MED17: variants seen among roughly 807,000 people sequenced by gnomAD.
MED17 encodes mediator of RNA polymerase II transcription subunit 17.
In MED17, 49 loss-of-function variants were observed where a neutral mutation model predicts 80.8. That is an observed-to-expected ratio of 0.61 (90% CI 0.48 to 0.77). MED17 has a LOEUF of 0.77. Ranked by LOEUF, MED17 falls within the 30% of genes least tolerant of loss-of-function variation. The pLI, the probability that MED17 is intolerant of heterozygous loss-of-function variation, is 0.00. For missense variants in MED17, 718 were observed against 787.0 expected (o/e 0.91, Z 1.05); for synonymous variants, 281 against 280.4 (o/e 1.00, Z -0.02).
Position 93,795,949 on chromosome 11 carries a change from GT to G in MED17, c.1013-446del, listed in dbSNP as rs879690032. The G allele has an allele frequency of 6.8e-3, 1,030 of 152,534 alleles. 2 individuals carry two copies. Among genetic ancestry groups the G allele is most frequent in the South Asian group, 0.014 (79 of 5,668 alleles). 9.4% of individuals were successfully genotyped at this position (152,534 alleles called of 1,614,324 possible). A position where few individuals can be genotyped will look rare whatever the true frequency, so the allele number is the denominator to read the frequency against. ...TGGTAGCTTATTATATTCATGAATA[GT>G]TTTTTTTTTTTTTTGAGATGAAGTT... On this transcript the variant is annotated intron_variant, in intron 6 of 11. Transcript: ENST00000251871.
Position 93,812,044 on chromosome 11 carries a change from C to T in MED17, c.1936C>T (p.Leu646Phe), listed in dbSNP as rs1369932755. 2 of 1,614,090 alleles carry T rather than the reference C, an allele frequency of 1.2e-6. No individual in the cohort carries two copies. Among genetic ancestry groups the T allele is most frequent in the Non-Finnish European group, 1.7e-6 (2 of 1,179,974 alleles). ...VYKMELLMSALSPCLL is the reference protein window; with the variant it reads ...VYKMELLMSAFSPCLL ...TAAAATGGAGCTGCTTATGTCTGCA[C>T]TTAGCCCTTGTCTACTATGATTTTT... The change falls in exon 12 of 12, where the codon CTT becomes TTT. Residue 646 changes from leucine (L) to phenylalanine (F), a missense_variant. Physicochemically the swap from Leu to Phe is conservative, Grantham distance 22 (BLOSUM62 0). Coordinates refer to ENST00000251871, the MANE Select transcript of MED17 (RefSeq NM_004268.5).
At chr11:93,807,009 G>C (rs1944032418) in intron 9 of MED17, 2 of 159,470 alleles carry the variant, frequency 1.3e-5, no homozygotes, top group South Asian at 3.6e-4. Context: ...AAATGCTTCT[G>C]GGTAGACTGG....
rs112976734 is a variant in MED17, at chr11:93,784,612, G to C, written c.99G>C (p.Pro33=). 4 of 1,599,880 alleles carry C rather than the reference G, an allele frequency of 2.5e-6. No individual in the cohort carries two copies. The highest frequency in any genetic ancestry group is 3.4e-6 in the Non-Finnish European group (4 of 1,174,462). The change falls in exon 1 of 12, where the codon CCG becomes CCC. Residue 33 remains proline, a synonymous_variant. Transcript: ENST00000251871. ...ATGGCACCGAGACGTACCTGCCCCC[G>C]CTGTCCATGTCGCAGAATCTGGCGC... ...GLDGTETYLP[P]LSMSQNLARL... is the part of the protein sequence containing the mutation.
chr11:93,793,003 T>C (rs1943854716), intron 3 of MED17, among the ~76,000 whole-genome samples: 1 of 150,972 alleles, frequency 6.6e-6, no homozygotes, highest in Non-Finnish European at 1.5e-5. Flanking sequence ...TTATGTGCAC[T>C]ATCCTCTGTC....
intron 9 of MED17, among the ~76,000 whole-genome samples, chr11:93,805,170 G>T (rs924728595): frequency 6.6e-6 from 1 of 152,044 alleles, no homozygotes; most frequent in Admixed American, 6.6e-5. Context: ...GTATTTCATT[G>T]TATGTCCCAC....
chr11:93,812,120 C>A lies in MED17; in HGVS notation c.*56C>A. 1 of 1,408,884 alleles carries A rather than the reference C, an allele frequency of 7.1e-7. No homozygotes were observed. Among genetic ancestry groups the A allele is most frequent in the Non-Finnish European group, 1.0e-6 (1 of 993,890 alleles). The allele number at this position is 1,408,884 out of a possible 1,614,324, so 87.3% of individuals were successfully genotyped here. On this transcript the variant is annotated 3_prime_UTR_variant, in exon 12 of 12. Transcript: ENST00000251871. ...CAGAAACTTTGACTTGAAATGTTTG[C>A]AGATCAACTATAAGCACAAAGAAGA...
intron 11 of MED17, chr11:93,810,731 C>CTT (rs1364827106): frequency 6.6e-6 from 1 of 152,222 alleles, no homozygotes; most frequent in East Asian, 1.9e-4. Context: ...CGAGTGGGCA[C>CTT]TTTAATAGGC....
At chr11:93,800,995 A>G (rs188211474) in intron 8 of MED17, 4 of 152,244 alleles carry the variant, frequency 2.6e-5, no homozygotes, top group Admixed American at 2.6e-4. Flanking sequence ...GGGTTTGGTT[A>G]ATTTAAATGA....
chr11:93,794,317 GC>G (rs1943877824), intron 5 of MED17: 3 of 325,556 alleles, frequency 9.2e-6, no homozygotes, highest in Admixed American at 4.7e-5. Context: ...CGATTCTCCT[GC>G]CTCAGCCTCC....
In MED17 at chr11:93,801,992, G is replaced by C. The variant is rs777006792; in HGVS notation, c.1466+20G>C. 1 of 1,604,450 alleles carries C rather than the reference G, an allele frequency of 6.2e-7. No individual in the cohort carries two copies. The highest frequency in any genetic ancestry group is 2.2e-5 in the East Asian group (1 of 44,726). On this transcript the variant is annotated intron_variant, in intron 9 of 11. Transcript: ENST00000251871. ...ATGCAAGTAAGTGGCCAAAATAAAA[G>C]TTTTGTATTTAATATGTTAATTTGC... is the stretch of plus-strand genomic sequence containing the variant.
intron 10 of MED17, chr11:93,808,699 A>T (rs1032186780): frequency 6.6e-6 from 1 of 152,026 alleles, no homozygotes; most frequent in Non-Finnish European, 1.5e-5. Context: ...AGTAAAATTC[A>T]TTTGTTAGGT....
intron 2 of MED17, 184 bp downstream of exon 2, chr11:93,788,351 C>T: frequency 3.6e-6 from 2 of 556,740 alleles, no homozygotes; most frequent in Non-Finnish European, 6.3e-6. Context: ...TATTATATAC[C>T]TATGATCCTT....
rs192822706 is a variant in MED17, at chr11:93,805,785, T to G, written c.1467-1733T>G. Among the ~76,000 whole-genome samples the G allele has an allele frequency of 3.1e-3, 464 of 152,086 alleles. 1 individual carries two copies. Among genetic ancestry groups the G allele is most frequent in the African/African-American group, 0.01 (435 of 41,510 alleles). ...GTTTCGTTTTTCTTTGAGAAAACAA[T>G]GTAAACTTTAGTACATCAAAATTAC... On this transcript the variant is annotated intron_variant, in intron 9 of 11. Transcript: ENST00000251871.
At chr11:93,789,932 TG>T (rs1217605353) in intron 2 of MED17, 2 of 156,482 alleles carry the variant, frequency 1.3e-5, no homozygotes, top group Non-Finnish European at 2.8e-5. Context: ...CATTCTAGAC[TG>T]GGTGACAGAA....
chr11:93,791,784 G>A (rs995393104), intron 3 of MED17, among the ~76,000 whole-genome samples: 3 of 151,920 alleles, frequency 2.0e-5, no homozygotes, highest in Non-Finnish European at 4.4e-5. Context: ...AAAAAAACTC[G>A]ACATGAAAGG....
intron 11 of MED17, chr11:93,811,111 T>C (rs1282936384): frequency 6.6e-6 from 1 of 152,344 alleles, no homozygotes; most frequent in Non-Finnish European, 1.5e-5. Flanking sequence ...AGTGGGTAGT[T>C]AGAAATATTT....
At chr11:93,806,474 C>T (rs1451560531) in intron 9 of MED17, 1 of 152,120 alleles carries the variant, frequency 6.6e-6, no homozygotes, top group Non-Finnish European at 1.5e-5. Flanking sequence ...TTAGAAGTTG[C>T]TTTGGAAGAG....
chr11:93,785,573 C>T (rs2135707771), intron 1 of MED17, among the ~76,000 whole-genome samples: 1 of 152,282 alleles, frequency 6.6e-6, no homozygotes, highest in Non-Finnish European at 1.5e-5. Flanking sequence ...GTAAATACTA[C>T]TTTATACCTC....
At chr11:93,787,372 TACTGC>T (rs1943781907) in intron 1 of MED17, among the ~76,000 whole-genome samples, 1 of 151,496 alleles carries the variant, frequency 6.6e-6, no homozygotes, top group Admixed American at 6.6e-5. Context: ...GAGATCGCGC[TACTGC>T]ACTCCAGCCT....
Sources: allele counts gnomAD v4.1 joint callset (sites outside exome capture counted in the v4.1 genomes callset), GRCh38; gene constraint gnomAD v4.1.1; transcripts MANE v1.5; gene names NCBI Gene and HGNC (gene_info 2026-07-23, HGNC 2026-07-21).